Variants in CCDC192 observed in about 807,000 individuals in gnomAD.
CCDC192 encodes coiled-coil domain containing 192.
chr5:127,889,379 T>TTTTCC (rs763449062), intron 6 of CCDC192, among the ~76,000 whole-genome samples: 115 of 150,428 alleles, frequency 7.6e-4, no homozygotes, highest in Middle Eastern at 3.4e-3. Context: ...ATTTCTTTTT[T>TTTTCC]TTTCCTTTTC....
intron 2 of CCDC192, among the ~76,000 whole-genome samples, chr5:127,730,522 T>A (rs1051002399): frequency 1.1e-4 from 17 of 152,164 alleles, no homozygotes; most frequent in Non-Finnish European, 5.9e-5. Flanking sequence ...TCTCATTTTA[T>A]GAGGCCAACA....
At chr5:127,858,808 A>G (rs757065801) in intron 5 of CCDC192, among the ~76,000 whole-genome samples, 23 of 152,336 alleles carry the variant, frequency 1.5e-4, no homozygotes, top group Admixed American at 1.1e-3. Context: ...AAAATCAAGT[A>G]CACAATTTGC....
chr5:127,904,263 T>C (rs544091505), intron 6 of CCDC192, among the ~76,000 whole-genome samples: 2 of 152,308 alleles, frequency 1.3e-5, no homozygotes, highest in Admixed American at 1.3e-4. Flanking sequence ...TACTGTAACC[T>C]TGATTTTAGC....
intron 2 of CCDC192, among the ~76,000 whole-genome samples, chr5:127,725,998 G>A (rs1752300325): frequency 6.6e-6 from 1 of 151,318 alleles, no homozygotes; most frequent in Non-Finnish European, 1.5e-5. Flanking sequence ...TTAAGTCATA[G>A]TTGAAAATAA....
In CCDC192 at chr5:127,754,421, A is replaced by G. The variant is rs186394317; in HGVS notation, c.222+46A>G. ...TGGAAACAAATGTTCCTCAGTGTGC[A>G]GCATGGCAAGTGTAAATGTAAACAC... On this transcript the variant is annotated intron_variant, in intron 3 of 6. Coordinates refer to ENST00000514853, the MANE Select transcript of CCDC192 (RefSeq NM_001317938.2). 469 of 395,260 alleles carry G rather than the reference A, an allele frequency of 1.2e-3. 2 individuals are homozygous for G. Among genetic ancestry groups the G allele is most frequent in the African/African-American group, 9.2e-3 (440 of 47,654 alleles). The allele number at this position is 395,260 out of a possible 1,614,324, so 24.5% of individuals were successfully genotyped here.
chr5:127,772,103 A>G (rs1755589580), intron 3 of CCDC192, among the ~76,000 whole-genome samples: 1 of 152,118 alleles, frequency 6.6e-6, no homozygotes, highest in Non-Finnish European at 1.5e-5. Context: ...GCCAGCTATC[A>G]TCTTATATAA....
chr5:127,919,505 T>C (rs1374224403), intron 6 of CCDC192, among the ~76,000 whole-genome samples: 3 of 152,314 alleles, frequency 2.0e-5, no homozygotes, highest in Non-Finnish European at 4.4e-5. Flanking sequence ...CAGCTTCTCC[T>C]GTCCTGTCTC....
At chr5:127,753,488 G>C (rs1754366387) in intron 2 of CCDC192, among the ~76,000 whole-genome samples, 1 of 152,058 alleles carries the variant, frequency 6.6e-6, no homozygotes, top group Admixed American at 6.6e-5. Flanking sequence ...ACGAGGTCAG[G>C]ATTTCAAGAC....
In CCDC192 at chr5:127,875,520, ATTTT is replaced by A. The variant is rs35102491; in HGVS notation, c.412-7_412-4del. On this transcript the variant is annotated splice_polypyrimidine_tract_variant and intron_variant, in intron 5 of 6. Coordinates refer to ENST00000514853, the MANE Select transcript of CCDC192 (RefSeq NM_001317938.2). ...TCTGTCCCTAGTGATGGAAACTCTT[ATTTT>A]TTTTTTTTTTAAGAAACTAAAGCAT... 13 of 367,954 alleles carry A rather than the reference ATTTT, an allele frequency of 3.5e-5. No individual in the cohort carries two copies. In the East Asian group the frequency reaches 5.1e-4, roughly 14 times the overall value. The allele number at this position is 367,954 out of a possible 1,614,324, so 22.8% of individuals were successfully genotyped here. A position where few individuals can be genotyped will look rare whatever the true frequency, so the allele number is the denominator to read the frequency against.
chr5:127,736,328 TG>T (rs1397396425), intron 2 of CCDC192, among the ~76,000 whole-genome samples: 1 of 146,118 alleles, frequency 6.8e-6, no homozygotes, highest in African/African-American at 2.6e-5. Flanking sequence ...GGATTCGTTT[TG>T]CCAGTATTTT....
At chr5:127,805,805 T>C (rs1371027487) in intron 5 of CCDC192, among the ~76,000 whole-genome samples, 2 of 152,232 alleles carry the variant, frequency 1.3e-5, no homozygotes, top group East Asian at 1.9e-4. Context: ...TTATCTGCAC[T>C]GGATGATTAT....
At chr5:127,923,262 A>C (rs569661272) in intron 6 of CCDC192, among the ~76,000 whole-genome samples, 1 of 152,340 alleles carries the variant, frequency 6.6e-6, no homozygotes, top group Non-Finnish European at 1.5e-5. Flanking sequence ...TTAGTCACCT[A>C]CACAAAAGAT....
intron 6 of CCDC192, among the ~76,000 whole-genome samples, chr5:127,925,840 A>G (rs1239033018): frequency 6.6e-6 from 1 of 152,232 alleles, no homozygotes; most frequent in Non-Finnish European, 1.5e-5. Flanking sequence ...GTTTCAAACA[A>G]TAAATGTCCA....
chr5:127,842,594 G>C lies in CCDC192; in HGVS notation c.412-32944G>C, dbSNP rs150762441. On this transcript the variant is annotated intron_variant, in intron 5 of 6. Coordinates refer to ENST00000514853, the MANE Select transcript of CCDC192 (RefSeq NM_001317938.2). ...CTGGATTTCAAAAGCGATGTAGCCA[G>C]TCCTACTTTCAAAAGCAGTTATACA... Among the ~76,000 whole-genome samples the C allele has an allele frequency of 1.7e-3, 266 of 152,302 alleles. 2 individuals are homozygous for C. The highest frequency in any genetic ancestry group is 6.2e-3 in the African/African-American group (257 of 41,566).
intron 6 of CCDC192, among the ~76,000 whole-genome samples, chr5:127,920,024 A>G (rs1418907705): frequency 6.6e-6 from 1 of 152,220 alleles, no homozygotes; most frequent in African/African-American, 2.4e-5. Flanking sequence ...ACTTATGTCT[A>G]TACATGCAGA....
At chr5:127,893,357 GA>G (rs1307281324) in intron 6 of CCDC192, among the ~76,000 whole-genome samples, 14 of 152,172 alleles carry the variant, frequency 9.2e-5, no homozygotes, top group African/African-American at 3.1e-4. Context: ...GTGGTTGTAA[GA>G]TTGGGAGCAA....
intron 5 of CCDC192, among the ~76,000 whole-genome samples, chr5:127,822,758 C>G (rs937702399): frequency 6.6e-6 from 1 of 152,134 alleles, no homozygotes; most frequent in South Asian, 2.1e-4. Context: ...TTTCAGGGCA[C>G]AGGTCTCTGC....
At chr5:127,878,094 T>G (rs1354533741) in intron 6 of CCDC192, among the ~76,000 whole-genome samples, 1 of 152,172 alleles carries the variant, frequency 6.6e-6, no homozygotes, top group Admixed American at 6.5e-5. Flanking sequence ...CACCTCTGCT[T>G]CTCTCTGCAT....
chr5:127,928,788 C>T (rs916294247), intron 6 of CCDC192, among the ~76,000 whole-genome samples: 25 of 150,482 alleles, frequency 1.7e-4, no homozygotes, highest in African/African-American at 4.2e-4. Flanking sequence ...TTTTTTAAGA[C>T]GGAGTCTCGC....
Sources: allele counts gnomAD v4.1 joint callset (sites outside exome capture counted in the v4.1 genomes callset), GRCh38; gene constraint gnomAD v4.1.1; transcripts MANE v1.5; gene names NCBI Gene and HGNC (gene_info 2026-07-23, HGNC 2026-07-21).